Variants in PNPLA7 observed in about 807,000 individuals in gnomAD.
PNPLA7 encodes the protein patatin-like phospholipase domain-containing protein 7.
In PNPLA7, 153 loss-of-function variants were observed where a neutral mutation model predicts 161.7. That is an observed-to-expected ratio of 0.95 (90% confidence interval 0.83 to 1.08). The LOEUF (loss-of-function observed/expected upper bound fraction) is 1.08. Ranked by LOEUF, PNPLA7 falls within the 50% of genes least tolerant of loss-of-function variation. The pLI is 0.00. For missense variants in PNPLA7, 1,739 were observed against 1,856.6 expected, an observed-to-expected ratio of 0.94 and a Z score of 1.16; for synonymous variants, 809 against 782.1, an observed-to-expected ratio of 1.03 and a Z score of -0.57.
chr9:137,510,064 AC>A (rs956902981), intron 12 of PNPLA7, among the ~76,000 whole-genome samples: 5 of 152,328 alleles, frequency 3.3e-5, no homozygotes, highest in African/African-American at 1.2e-4. Context: ...GGACAGGGCC[AC>A]CAGAGGGCTC....
In PNPLA7 at chr9:137,522,998, G is replaced by A. The variant is rs530627438; in HGVS notation, c.748-141C>T. ...CATTCTCCCTCCCAGGCTGGGCTGT[G>A]CAAAGTGCTGCTTTTGGCACCAGCT... On this transcript the variant is annotated intron_variant, in intron 8 of 34. Coordinates refer to ENST00000406427, the MANE Select transcript of PNPLA7 (RefSeq NM_001098537.3). 1.8e-5 allele frequency: 21 copies of A among 1,197,144 alleles called. No homozygotes were observed. The African/African-American group carries it at 2.8e-4, about 16-fold the overall frequency. 74.2% of individuals were successfully genotyped at this position (1,197,144 alleles called of 1,614,324 possible).
chr9:137,543,278 A>C lies in PNPLA7; in HGVS notation c.506+154T>G, dbSNP rs1836309906. 1.3e-5 allele frequency among the ~76,000 whole-genome samples: 2 copies of C among 152,172 alleles called. No homozygotes were observed. Among genetic ancestry groups the C allele is most frequent in the African/African-American group, 4.8e-5 (2 of 41,440 alleles). On this transcript the variant is annotated intron_variant, in intron 6 of 34. Transcript: ENST00000406427. The surrounding 1 kb of genome is among the most constrained non-coding windows in gnomAD (Gnocchi z 6.9). Reference sequence around the variant, plus strand: ...CTGGTGAAGGAGCCAGCAGACCACGAGGCCCCGCCACGGGGCACAGACACC... The same window carrying C: ...CTGGTGAAGGAGCCAGCAGACCACGCGGCCCCGCCACGGGGCACAGACACC...
intron 25 of PNPLA7, among the ~76,000 whole-genome samples, chr9:137,473,944 G>T (rs1201588697): frequency 6.6e-6 from 1 of 152,174 alleles, no homozygotes; most frequent in African/African-American, 2.4e-5. Flanking sequence ...AGAAGGATTT[G>T]AACAAGAGTT....
At chr9:137,478,462 C>T in intron 24 of PNPLA7, 1 of 280,294 alleles carries the variant, frequency 3.6e-6, no homozygotes, top group Admixed American at 5.3e-5. Flanking sequence ...GAGCTGTTCC[C>T]ACTGGGGTCC....
chr9:137,497,591 G>C (rs1434961471), intron 17 of PNPLA7, among the ~76,000 whole-genome samples: 1 of 152,174 alleles, frequency 6.6e-6, no homozygotes, highest in Non-Finnish European at 1.5e-5. Flanking sequence ...GCAGTGGCAC[G>C]ACCTCGGCTC....
At chr9:137,545,657 C>T (rs766333568) in intron 4 of PNPLA7, among the ~76,000 whole-genome samples, 6 of 152,154 alleles carry the variant, frequency 3.9e-5, no homozygotes, top group East Asian at 1.9e-4. Flanking sequence ...AGCAATTACT[C>T]TTTATTCCAA....
chr9:137,469,243 T>G (rs531360825), intron 25 of PNPLA7, among the ~76,000 whole-genome samples: 1 of 152,302 alleles, frequency 6.6e-6, no homozygotes, highest in Admixed American at 6.5e-5. Flanking sequence ...AAACAGTCAC[T>G]GAATCATGAA....
intron 12 of PNPLA7, among the ~76,000 whole-genome samples, chr9:137,506,591 C>T (rs185363897): frequency 6.0e-4 from 91 of 152,248 alleles, no homozygotes; most frequent in Non-Finnish European, 1.2e-3. Context: ...CTCAGAGGTT[C>T]GCTCTTCGCA....
intron 1 of PNPLA7, among the ~76,000 whole-genome samples, chr9:137,549,486 C>T (rs775071910): frequency 6.8e-6 from 1 of 147,062 alleles, no homozygotes; most frequent in African/African-American, 2.5e-5. Context: ...AGGAGAATGG[C>T]GTGAACCTGG....
At position 137,464,112 on chromosome 9, in the gene PNPLA7, G is replaced by A. The variant is rs1392760939; in HGVS notation, c.3226+14C>T. The A allele has an allele frequency of 3.1e-6, 5 of 1,612,678 alleles. No individual in the cohort carries two copies. Among genetic ancestry groups the A allele is most frequent in the Non-Finnish European group, 3.4e-6 (4 of 1,179,636 alleles). ...CGCACCCAAGCGGCCGCCCTGCGCA[G>A]CAGGAGTGCTCACCGTCGGTGTGGA... On this transcript the variant is annotated intron_variant, in intron 28 of 34. Transcript: ENST00000406427.
intron 13 of PNPLA7, 32 bp from the exon 14 acceptor site, chr9:137,505,792 A>G (rs1833884388): frequency 6.2e-7 from 1 of 1,611,494 alleles, no homozygotes. Context: ...GGCAATTCGA[A>G]GGGATGTGGT....
At chr9:137,505,811 A>G (rs939212874) in intron 13 of PNPLA7, 51 bp from the exon 14 acceptor site, 4 of 1,606,116 alleles carry the variant, frequency 2.5e-6, no homozygotes, top group African/African-American at 1.3e-5. Flanking sequence ...GTTGGGGAAC[A>G]TCGCACAAGG....
chr9:137,490,797 T>C lies in PNPLA7; in HGVS notation c.2197+2216A>G, dbSNP rs1453874748. On this transcript the variant is annotated intron_variant, in intron 20 of 34. Transcript: ENST00000406427. The surrounding 1 kb of genome is among the most constrained non-coding windows in gnomAD (Gnocchi z 4.1). ...CTATTCTCCTAAGTTTTAAAAATCA[T>C]GTTTGATGGCTGAAAGCGAAAGTTG... Among the ~76,000 whole-genome samples the C allele has an allele frequency of 6.6e-6, 1 of 152,210 alleles. No individual in the cohort carries two copies. Among genetic ancestry groups the C allele is most frequent in the Non-Finnish European group, 1.5e-5 (1 of 68,044 alleles).
chr9:137,479,879 C>A, intron 23 of PNPLA7: 1 of 985,398 alleles, frequency 1.0e-6, no homozygotes, highest in Non-Finnish European at 1.2e-6. Flanking sequence ...GCTGAGGATG[C>A]AGAGGCAGAG....
intron 20 of PNPLA7, among the ~76,000 whole-genome samples, chr9:137,492,698 G>A (rs1402799493): frequency 2.1e-5 from 3 of 144,422 alleles, no homozygotes; most frequent in East Asian, 2.1e-4. Context: ...ATGGGGTGGG[G>A]CCATGGGCTG....
In PNPLA7 at chr9:137,521,723, G is replaced by T; in HGVS notation, c.877-7C>A. On this transcript the variant is annotated splice_region_variant and splice_polypyrimidine_tract_variant and intron_variant, in intron 9 of 34. Coordinates refer to ENST00000406427, the MANE Select transcript of PNPLA7 (RefSeq NM_001098537.3). The stretch of plus-strand genomic sequence containing the variant: ...GCAGCCGCACCATGATGATCTGCAA[G>T]AACACGCCAGCTGCGCGGTGACCAC... 6.2e-7 allele frequency: 1 copy of T among 1,608,776 alleles called. No homozygotes were observed. The highest frequency in any genetic ancestry group is 8.5e-7 in the Non-Finnish European group (1 of 1,179,556).
intron 20 of PNPLA7, among the ~76,000 whole-genome samples, chr9:137,485,871 G>A (rs556496576): frequency 6.6e-6 from 1 of 152,308 alleles, no homozygotes; most frequent in East Asian, 1.9e-4. Flanking sequence ...ACATGGACCA[G>A]GGGGTCTGGG....
At position 137,462,026 on chromosome 9, in the gene PNPLA7, G is replaced by C; in HGVS notation, c.3661C>G (p.His1221Asp). The C allele has an allele frequency of 6.3e-7, 1 of 1,598,078 alleles. No homozygotes were observed. The highest frequency in any genetic ancestry group is 8.5e-7 in the Non-Finnish European group (1 of 1,173,602). ...FNEICEVGYQHGRTVFDIWGR... is the reference protein window; with the variant it reads ...FNEICEVGYQDGRTVFDIWGR... ...CAGATGTCAAACACCGTGCGCCCGT[G>C]CTGGTAGCCCACTTCCTGTGCACAC... Residue 1221 changes from histidine (H) to aspartate (D), a missense_variant, in exon 32 of 35, where the codon CAC becomes GAC. Physicochemically the swap from His to Asp is moderately conservative, Grantham distance 81. Around this residue, in one of 6 missense-constraint regions of PNPLA7, gnomAD observed 703 missense variants for 694.6 expected, o/e 1.01. Transcript: ENST00000406427.
intron 1 of PNPLA7, 45 bp downstream of exon 1, chr9:137,550,123 C>A (rs1377538037): frequency 6.2e-7 from 1 of 1,611,302 alleles, no homozygotes; most frequent in Non-Finnish European, 8.5e-7. Context: ...CCAGAAATGC[C>A]CCCCAACTGG....
Sources: gnomAD v4.1 joint callset for allele counts (sites outside exome capture counted in the v4.1 genomes callset) on GRCh38, gnomAD v4.1.1 for gene constraint, gnomAD v4.1.1 regional missense constraint, Gnocchi (gnomAD v3.1) non-coding constraint, MANE v1.5 for transcripts, NCBI Gene and HGNC (gene_info 2026-07-23, HGNC 2026-07-21) for gene names.